KAT14: variants seen among roughly 807,000 people sequenced by gnomAD.
The protein encoded by KAT14 is cysteine-rich protein 2-binding protein.
In KAT14, 66 loss-of-function variants were observed where a neutral mutation model predicts 78.4. That is an observed-to-expected ratio of 0.84 (90% CI 0.69 to 1.03). The LOEUF (loss-of-function observed/expected upper bound fraction) is 1.03. Ranked by LOEUF, KAT14 falls within the 50% of genes least tolerant of loss-of-function variation. KAT14 has a pLI of 0.00. For missense variants in KAT14, 870 were observed against 972.5 expected, an observed-to-expected ratio of 0.89 and a Z score of 1.40; for synonymous variants, 344 against 359.4, an observed-to-expected ratio of 0.96 and a Z score of 0.48.
chr20:18,139,431 A>C (rs1030967561), intron 1 of KAT14, among the ~76,000 whole-genome samples: 1 of 152,152 alleles, frequency 6.6e-6, no homozygotes, highest in East Asian at 1.9e-4. Context: ...CTGAACATCA[A>C]ATGTTCCCGG....
In KAT14 at chr20:18,142,563, G is replaced by A. The variant is rs2037626664; in HGVS notation, c.-98G>A. On this transcript the variant is annotated 5_prime_UTR_variant, in exon 2 of 11. Coordinates refer to ENST00000688188, the MANE Select transcript of KAT14 (RefSeq NM_001392073.1). ...GTGTGGGCAGACACTTTTTGGAAGA[G>A]TCTGTCTGGGTGATCCTGGTAGAAG... 3 of 1,538,150 alleles carry A rather than the reference G, an allele frequency of 2.0e-6. No individual in the cohort carries two copies. The highest frequency in any genetic ancestry group is 2.0e-5 in the Admixed American group (1 of 50,636).
chr20:18,138,073 C>T (rs1404142051), intron 1 of KAT14, 22 bp downstream of exon 1: 8 of 1,447,716 alleles, frequency 5.5e-6, no homozygotes, highest in Middle Eastern at 1.8e-4. Flanking sequence ...GTGACCGTCT[C>T]TTCCGGGCCC....
intron 3 of KAT14, among the ~76,000 whole-genome samples, chr20:18,148,875 G>A (rs1302540489): frequency 6.6e-6 from 1 of 152,148 alleles, no homozygotes; most frequent in Non-Finnish European, 1.5e-5. Context: ...CTCCCAAAGT[G>A]CTGGGATTAC....
rs921684453 is a variant in KAT14 at position 18,187,632 on chromosome 20, C to A, written c.*173C>A. On this transcript the variant is annotated 3_prime_UTR_variant, in exon 11 of 11. Transcript: ENST00000688188. ...TGCAGTGAAATGAGCAGTGAGCAGC[C>A]CTTTAGCAAAATCGCCCTCCAGTCC... 3 of 1,094,924 alleles carry A rather than the reference C, an allele frequency of 2.7e-6. No homozygotes were observed. The highest frequency in any genetic ancestry group is 1.6e-5 in the African/African-American group (1 of 61,170). The allele number at this position is 1,094,924 out of a possible 1,614,324, so 67.8% of individuals were successfully genotyped here. A position where few individuals can be genotyped will look rare whatever the true frequency, so the allele number is the denominator to read the frequency against.
intron 7 of KAT14, among the ~76,000 whole-genome samples, chr20:18,171,012 CT>C (rs1323206390): frequency 6.6e-6 from 1 of 152,164 alleles, no homozygotes; most frequent in African/African-American, 2.4e-5. Context: ...ATTTAAGACT[CT>C]TTTTAAGGCT....
Position 18,142,629 on chromosome 20 carries a change from A to T in KAT14, c.-32A>T. ...TGTCCAGTGCTTAGGGTTGTTACTG[A>T]GAAGCACTGCCGAGCTTGTGAGAAG... On this transcript the variant is annotated 5_prime_UTR_variant, in exon 2 of 11. Transcript: ENST00000688188. The T allele has an allele frequency of 6.2e-7, 1 of 1,612,828 alleles. No homozygotes were observed. The highest frequency in any genetic ancestry group is 1.1e-5 in the South Asian group (1 of 90,962).
At chr20:18,174,498 T>C (rs2038963719) in intron 7 of KAT14, among the ~76,000 whole-genome samples, 2 of 152,202 alleles carry the variant, frequency 1.3e-5, no homozygotes, top group South Asian at 4.1e-4. Flanking sequence ...GTCTTTTTTA[T>C]TATAGCCATC....
At chr20:18,177,429 C>G (rs62205122) in intron 7 of KAT14, among the ~76,000 whole-genome samples, 14,391 of 152,258 alleles carry the variant, frequency 0.095, 826 homozygotes, top group Middle Eastern at 0.17. Context: ...CAAGGTCCAC[C>G]CAGCTTCAGT....
intron 7 of KAT14, among the ~76,000 whole-genome samples, chr20:18,179,453 G>A (rs2039169198): frequency 6.6e-6 from 1 of 152,228 alleles, no homozygotes; most frequent in Non-Finnish European, 1.5e-5. Flanking sequence ...CTAGGTGGAG[G>A]TTCCCAAACC....
intron 4 of KAT14, among the ~76,000 whole-genome samples, chr20:18,154,277 A>T (rs1419546655): frequency 2.6e-5 from 4 of 152,172 alleles, no homozygotes; most frequent in Non-Finnish European, 5.9e-5. Context: ...AAAGATTTTC[A>T]TTCTGCTATC....
In KAT14 at chr20:18,162,672, C is replaced by A. The variant is rs577238938; in HGVS notation, c.1395C>A (p.Tyr465Ter). The change falls in exon 7 of 11, where the codon TAC becomes TAA. Residue 465 changes from tyrosine (Y) to a stop codon, truncating the protein, a stop_gained. Coordinates refer to ENST00000688188, the MANE Select transcript of KAT14 (RefSeq NM_001392073.1). LOFTEE classifies it high-confidence loss of function. ...CCAGGTATACTCCCGTGAGCATCTA[C>A]GAGGAAAAGCTGCTGCTCAAGAGGC... ...KEPRYTPVSI[Y>*]EEKLLLKRLE... The A allele has an allele frequency of 1.2e-5, 20 of 1,614,066 alleles. No individual in the cohort carries two copies. Among genetic ancestry groups the A allele is most frequent in the Middle Eastern group, 1.6e-4 (1 of 6,084 alleles).
intron 4 of KAT14, among the ~76,000 whole-genome samples, chr20:18,156,778 T>G (rs1054373860): frequency 1.3e-5 from 2 of 152,228 alleles, no homozygotes; most frequent in African/African-American, 4.8e-5. Context: ...CGTCTGTCTC[T>G]GTGTCCAAGT....
At chr20:18,148,758 C>T (rs1266870095) in intron 3 of KAT14, among the ~76,000 whole-genome samples, 5 of 151,918 alleles carry the variant, frequency 3.3e-5, no homozygotes, top group African/African-American at 7.2e-5. Context: ...TACAGGCGTG[C>T]GCCACCATGC....
At position 18,138,028 on chromosome 20, in the gene KAT14, G is replaced by A; in HGVS notation, c.-477G>A. On this transcript the variant is annotated 5_prime_UTR_variant, in exon 1 of 11. It adds an upstream start codon to the 5' untranslated region. Transcript: ENST00000688188. Reference sequence around the variant, plus strand: ...GGCGGCCACAGTGGCCGGCGTACATGTGAAGCAGCAGTGGGACCAGCAGGT... The same window carrying A: ...GGCGGCCACAGTGGCCGGCGTACATATGAAGCAGCAGTGGGACCAGCAGGT... 4 of 1,493,840 alleles carry A rather than the reference G, an allele frequency of 2.7e-6. No individual in the cohort carries two copies. Among genetic ancestry groups the A allele is most frequent in the Non-Finnish European group, 3.5e-6 (4 of 1,128,380 alleles). The allele number at this position is 1,493,840 out of a possible 1,614,324, so 92.5% of individuals were successfully genotyped here.
chr20:18,183,554 T>C, intron 9 of KAT14: 14 of 984,760 alleles, frequency 1.4e-5, no homozygotes, highest in Non-Finnish European at 1.6e-5. Context: ...TTCATCCTGT[T>C]TTGCTTCTGC....
chr20:18,173,963 A>T (rs2038944460), intron 7 of KAT14, among the ~76,000 whole-genome samples: 2 of 152,062 alleles, frequency 1.3e-5, no homozygotes, highest in Non-Finnish European at 2.9e-5. Context: ...GAATCCCTGA[A>T]CCCTTTAGCT....
rs1469704605 is a variant in KAT14, at chr20:18,187,637, A to G, written c.*178A>G. The stretch of plus-strand genomic sequence containing the variant: ...TGAAATGAGCAGTGAGCAGCCCTTT[A>G]GCAAAATCGCCCTCCAGTCCTTCCT... On this transcript the variant is annotated 3_prime_UTR_variant, in exon 11 of 11. Coordinates refer to ENST00000688188, the MANE Select transcript of KAT14 (RefSeq NM_001392073.1). The G allele has an allele frequency of 1.0e-6, 1 of 997,792 alleles. No individual in the cohort carries two copies. The allele number at this position is 997,792 out of a possible 1,614,324, so 61.8% of individuals were successfully genotyped here. A position where few individuals can be genotyped will look rare whatever the true frequency, so the allele number is the denominator to read the frequency against.
At position 18,162,717 on chromosome 20, in the gene KAT14, T is replaced by C; in HGVS notation, c.1440T>C (p.Ala480=). 1 of 1,614,248 alleles carries C rather than the reference T, an allele frequency of 6.2e-7. No individual in the cohort carries two copies. The highest frequency in any genetic ancestry group is 8.5e-7 in the Non-Finnish European group (1 of 1,180,040). The part of the protein sequence containing the change: ...LLKRLEACPG[A]VAMTPEARRL... ...AGAGGCTGGAAGCTTGTCCCGGTGC[T>C]GTTGCCATGACTCCGGAAGCTCGGA... The change falls in exon 7 of 11, where the codon GCT becomes GCC. Residue 480 remains alanine, a synonymous_variant. Transcript: ENST00000688188.
intron 7 of KAT14, among the ~76,000 whole-genome samples, chr20:18,180,685 G>A (rs1163419124): frequency 6.6e-6 from 1 of 152,182 alleles, no homozygotes; most frequent in African/African-American, 2.4e-5. Context: ...ATGGCAGGAG[G>A]TGAAAGACAC....
Sources: allele counts gnomAD v4.1 joint callset (sites outside exome capture counted in the v4.1 genomes callset), GRCh38; gene constraint gnomAD v4.1.1; transcripts MANE v1.5; gene names NCBI Gene and HGNC (gene_info 2026-07-23, HGNC 2026-07-21).